Variants in FLRT2 observed in about 807,000 individuals in gnomAD.
FLRT2 encodes the protein fibronectin leucine rich transmembrane protein 2.
A neutral mutation model predicts 40.0 loss-of-function variants in FLRT2; 15 were observed. That is an observed-to-expected ratio of 0.38 (90% CI 0.25 to 0.58). FLRT2 has a LOEUF of 0.58. Among genes scored for constraint, FLRT2 ranks in the 20% least tolerant of loss-of-function variants. FLRT2 has a pLI of 0.71. For missense variants in FLRT2, 726 were observed against 840.0 expected (o/e 0.86, Z 1.68); for synonymous variants, 380 against 336.8 (o/e 1.13, Z -1.41).
At chr14:85,533,594 G>T (rs967386503) in intron 1 of FLRT2, among the ~76,000 whole-genome samples, 9 of 152,136 alleles carry the variant, frequency 5.9e-5, no homozygotes, top group Non-Finnish European at 1.3e-4. Context: ...GGGTTCGTTG[G>T]CTTGGCGAAG....
chr14:85,593,450 C>T (rs1044315927), intron 1 of FLRT2, among the ~76,000 whole-genome samples: 12 of 148,154 alleles, frequency 8.1e-5, no homozygotes, highest in African/African-American at 2.8e-4. Flanking sequence ...TCACAGGGCT[C>T]TTCCTTACAT....
chr14:85,532,271 G>C (rs1888332513), intron 1 of FLRT2, among the ~76,000 whole-genome samples: 1 of 152,210 alleles, frequency 6.6e-6, no homozygotes, highest in Non-Finnish European at 1.5e-5. Context: ...GCGCGTCTCG[G>C]CGTAGCTCTT....
In FLRT2 at chr14:85,653,134, T is replaced by C. The variant is rs1367244533; in HGVS notation, c.*29637T>C. ...ATTATGCATCTGAAGTCAGAACACC[T>C]TTTCTTTTTAAACATTTTCAATTTG... On this transcript the variant is annotated 3_prime_UTR_variant, in exon 2 of 2. Transcript: ENST00000330753. The C allele has an allele frequency of 6.6e-6, 1 of 152,208 alleles. No individual in the cohort carries two copies. The highest frequency in any genetic ancestry group is 1.5e-5 in the Non-Finnish European group (1 of 68,032). 9.4% of individuals were successfully genotyped at this position (152,208 alleles called of 1,614,324 possible).
At chr14:85,594,185 TA>T (rs1371824639) in intron 1 of FLRT2, among the ~76,000 whole-genome samples, 1 of 152,218 alleles carries the variant, frequency 6.6e-6, no homozygotes, top group Non-Finnish European at 1.5e-5. Context: ...TTAAATTCAT[TA>T]AAATAAGTTT....
At chr14:85,596,802 A>G (rs918600499) in intron 1 of FLRT2, among the ~76,000 whole-genome samples, 4 of 152,180 alleles carry the variant, frequency 2.6e-5, no homozygotes, top group South Asian at 2.1e-4. Context: ...TTGACTTTCA[A>G]TTGATTTTAA....
chr14:85,535,906 T>G (rs912794678), intron 1 of FLRT2, among the ~76,000 whole-genome samples: 42 of 78,232 alleles, frequency 5.4e-4, no homozygotes, highest in South Asian at 9.9e-4. Context: ...TTTTTTTTTT[T>G]TTTTTTTTTT....
In FLRT2 at chr14:85,634,462, G is replaced by C. The variant is rs1204509362; in HGVS notation, c.*10965G>C. The C allele has an allele frequency of 1.3e-5, 2 of 152,186 alleles. No individual in the cohort carries two copies. The highest frequency in any genetic ancestry group is 3.9e-4 in the East Asian group (2 of 5,190). The allele number at this position is 152,186 out of a possible 1,614,324, so 9.4% of individuals were successfully genotyped here. ...AGCATGCTTTACTAGTGTATCTGAA[G>C]TAAGGAGGAAGCAGGAAGTGAGCTG... On this transcript the variant is annotated 3_prime_UTR_variant, in exon 2 of 2. Coordinates refer to ENST00000330753, the MANE Select transcript of FLRT2 (RefSeq NM_013231.6).
chr14:85,560,068 C>T (rs1890210642), intron 1 of FLRT2, among the ~76,000 whole-genome samples: 1 of 152,204 alleles, frequency 6.6e-6, no homozygotes, highest in African/African-American at 2.4e-5. Context: ...TTCTGCCAGG[C>T]ATACCTTGTC....
intron 1 of FLRT2, among the ~76,000 whole-genome samples, chr14:85,587,549 G>A (rs958229590): frequency 2.6e-5 from 4 of 151,872 alleles, no homozygotes; most frequent in African/African-American, 9.7e-5. Context: ...TTCCAACTAT[G>A]TCAACAAATT....
At chr14:85,555,502 C>T (rs1889891056) in intron 1 of FLRT2, among the ~76,000 whole-genome samples, 1 of 152,052 alleles carries the variant, frequency 6.6e-6, no homozygotes, top group Non-Finnish European at 1.5e-5. Context: ...CATCAGATCT[C>T]ATGAGACTTA....
At position 85,632,760 on chromosome 14, in the gene FLRT2, G is replaced by A. The variant is rs1485442343; in HGVS notation, c.*9263G>A. The A allele has an allele frequency of 6.6e-6, 1 of 152,202 alleles. No individual in the cohort carries two copies. Among genetic ancestry groups the A allele is most frequent in the East Asian group, 1.9e-4 (1 of 5,190 alleles). The allele number at this position is 152,202 out of a possible 1,614,324, so 9.4% of individuals were successfully genotyped here. On this transcript the variant is annotated 3_prime_UTR_variant, in exon 2 of 2. Coordinates refer to ENST00000330753, the MANE Select transcript of FLRT2 (RefSeq NM_013231.6). ...AGTCTTTCCTAGAAATGATATGCTT[G>A]TAAAGAAGGGAGTGGAGAGTGGTAG...
intron 1 of FLRT2, among the ~76,000 whole-genome samples, chr14:85,591,488 C>G (rs1891883082): frequency 6.6e-6 from 1 of 152,188 alleles, no homozygotes; most frequent in Non-Finnish European, 1.5e-5. Flanking sequence ...AGTACATTGT[C>G]TTGTGGGAAT....
rs1894041510 is a variant in FLRT2 at position 85,637,630 on chromosome 14, T to A, written c.*14133T>A. On this transcript the variant is annotated 3_prime_UTR_variant, in exon 2 of 2. Coordinates refer to ENST00000330753, the MANE Select transcript of FLRT2 (RefSeq NM_013231.6). ...CCCCCAGTCTGCTCTTCCATGAATA[T>A]CTCAGACAGAGAAGGGTGCCTTCTC... 1 of 152,214 alleles carries A rather than the reference T, an allele frequency of 6.6e-6. No homozygotes were observed. The highest frequency in any genetic ancestry group is 1.5e-5 in the Non-Finnish European group (1 of 68,056). The allele number at this position is 152,214 out of a possible 1,614,324, so 9.4% of individuals were successfully genotyped here.
At chr14:85,537,409 A>G (rs1888721629) in intron 1 of FLRT2, among the ~76,000 whole-genome samples, 1 of 152,046 alleles carries the variant, frequency 6.6e-6, no homozygotes, top group Non-Finnish European at 1.5e-5. Flanking sequence ...AAGACTAGCT[A>G]TTATTATTAT....
rs1893727392 is a variant in FLRT2, at chr14:85,627,316, A to G, written c.*3819A>G. ...CAAACCTTGCCTGATGCTCTTTCTA[A>G]AGTCAAAATATGAATGCTAAGAAGG... On this transcript the variant is annotated 3_prime_UTR_variant, in exon 2 of 2. Coordinates refer to ENST00000330753, the MANE Select transcript of FLRT2 (RefSeq NM_013231.6). 1 of 167,054 alleles carries G rather than the reference A, an allele frequency of 6.0e-6. No homozygotes were observed. The highest frequency in any genetic ancestry group is 1.5e-5 in the Non-Finnish European group (1 of 68,104). 10.3% of individuals were successfully genotyped at this position (167,054 alleles called of 1,614,324 possible).
At chr14:85,533,233 G>T (rs999040435) in intron 1 of FLRT2, among the ~76,000 whole-genome samples, 3 of 152,232 alleles carry the variant, frequency 2.0e-5, no homozygotes, top group Non-Finnish European at 2.9e-5. Context: ...GGAGGAGCGC[G>T]GGAGCTGCGG....
chr14:85,573,652 T>G (rs1387026680), intron 1 of FLRT2, among the ~76,000 whole-genome samples: 1 of 152,176 alleles, frequency 6.6e-6, no homozygotes, highest in Non-Finnish European at 1.5e-5. Flanking sequence ...GGTGACAGCA[T>G]GGAGTAAATT....
intron 1 of FLRT2, among the ~76,000 whole-genome samples, chr14:85,555,354 A>G (rs925399405): frequency 9.2e-5 from 14 of 152,214 alleles, no homozygotes; most frequent in Admixed American, 9.2e-4. Context: ...TTTATAAAGA[A>G]AAAGAGGCTT....
At chr14:85,540,201 GT>G (rs1164538644) in intron 1 of FLRT2, among the ~76,000 whole-genome samples, 2 of 151,880 alleles carry the variant, frequency 1.3e-5, no homozygotes, top group African/African-American at 4.8e-5. Context: ...TTAAAATTTT[GT>G]TTTGCAAAAT....
Sources: gnomAD v4.1 joint callset for allele counts (sites outside exome capture counted in the v4.1 genomes callset) on GRCh38, gnomAD v4.1.1 for gene constraint, MANE v1.5 for transcripts, NCBI Gene and HGNC (gene_info 2026-07-23, HGNC 2026-07-21) for gene names.